PTPRO: variants seen among roughly 807,000 people sequenced by gnomAD.
PTPRO encodes receptor-type tyrosine-protein phosphatase O.
In PTPRO, 62 loss-of-function variants were observed where a neutral mutation model predicts 145.2. The ratio of observed to expected loss-of-function variants is 0.43; its 90% CI spans 0.35 to 0.53. PTPRO has a LOEUF of 0.53. Ranked by LOEUF, PTPRO falls within the 20% of genes least tolerant of loss-of-function variation. The pLI, the probability that PTPRO is intolerant of heterozygous loss-of-function variation, is 0.01. For missense variants in PTPRO, 1,345 were observed against 1,482.7 expected, an observed-to-expected ratio of 0.91 and a Z score of 1.53; for synonymous variants, 565 against 514.7, an observed-to-expected ratio of 1.10 and a Z score of -1.32.
In PTPRO at chr12:15,556,664, A is replaced by G. The variant is rs147435054; in HGVS notation, c.2559-791A>G. On this transcript the variant is annotated intron_variant, in intron 15 of 26. Coordinates refer to ENST00000281171, the MANE Select transcript of PTPRO (RefSeq NM_030667.3). ...ATACGGGCATCACAATATAAGAGAA[A>G]GATTTTGGAGGAAGTAAACAATCCA... Among the ~76,000 whole-genome samples the G allele has an allele frequency of 5.4e-3, 818 of 152,330 alleles. 12 individuals carry two copies. Among genetic ancestry groups the G allele is most frequent in the African/African-American group, 0.019 (779 of 41,578 alleles).
intron 2 of PTPRO, among the ~76,000 whole-genome samples, chr12:15,494,695 T>C (rs994821326): frequency 2.6e-5 from 4 of 152,128 alleles, no homozygotes; most frequent in Admixed American, 6.6e-5. Context: ...GAAAAAAAAT[T>C]GGAAAATAAA....
intron 12 of PTPRO, among the ~76,000 whole-genome samples, chr12:15,533,109 T>C (rs1215019819): frequency 1.3e-5 from 2 of 152,168 alleles, no homozygotes; most frequent in Non-Finnish European, 2.9e-5. Flanking sequence ...GACTGTGAGT[T>C]AAAACCATGA....
chr12:15,481,754 C>T (rs1448490456), intron 1 of PTPRO, among the ~76,000 whole-genome samples: 1 of 151,950 alleles, frequency 6.6e-6, no homozygotes, highest in Non-Finnish European at 1.5e-5. Flanking sequence ...GTACTAGGGC[C>T]TGTAAAAACT....
intron 1 of PTPRO, among the ~76,000 whole-genome samples, chr12:15,402,311 C>T (rs7961040): frequency 0.021 from 3,248 of 151,984 alleles, 123 homozygotes; most frequent in African/African-American, 0.074. Flanking sequence ...TCCCTTGAAC[C>T]TGGGAGGCAG....
intron 1 of PTPRO, among the ~76,000 whole-genome samples, chr12:15,467,330 G>T (rs1941437863): frequency 6.6e-6 from 1 of 151,872 alleles, no homozygotes; most frequent in Admixed American, 6.6e-5. Context: ...ATATCAAACT[G>T]AACTAATGAT....
chr12:15,488,536 G>GA (rs2136447493), intron 2 of PTPRO, among the ~76,000 whole-genome samples: 1 of 152,242 alleles, frequency 6.6e-6, no homozygotes, highest in East Asian at 1.9e-4. Flanking sequence ...AACAAGTTTG[G>GA]AAAACATTTG....
chr12:15,594,976 T>G lies in PTPRO; in HGVS notation c.3586T>G (p.Trp1196Gly). 6.2e-7 allele frequency: 1 copy of G among 1,613,908 alleles called. No homozygotes were observed. Among genetic ancestry groups the G allele is most frequent in the Non-Finnish European group, 8.5e-7 (1 of 1,179,874 alleles). The change falls in exon 26 of 27, where the codon TGG becomes GGG. Residue 1196 changes from tryptophan (W) to glycine (G), a missense_variant. Coordinates refer to ENST00000281171, the MANE Select transcript of PTPRO (RefSeq NM_030667.3). The stretch of plus-strand genomic sequence containing the variant: ...TATCCATCAGTGTGTGCAACTGATG[T>G]GGATGAAGAAGAAGCAGCAGTTCTG... ...IFIHQCVQLM[W>G]MKKKQQFCIS...
chr12:15,502,132 T>C (rs1942234895), intron 5 of PTPRO, 69 bp downstream of exon 5: 1 of 1,468,738 alleles, frequency 6.8e-7, no homozygotes, highest in Non-Finnish European at 9.5e-7. Flanking sequence ...TGTTTTTAAA[T>C]TTGAGTTTAG....
At chr12:15,333,406 T>C (rs1408935223) in intron 1 of PTPRO, among the ~76,000 whole-genome samples, 1 of 152,230 alleles carries the variant, frequency 6.6e-6, no homozygotes, top group Non-Finnish European at 1.5e-5. Context: ...CAGCAAGGAC[T>C]TTGTCCATTG....
chr12:15,461,784 T>C (rs1044035928), intron 1 of PTPRO, among the ~76,000 whole-genome samples: 1 of 151,986 alleles, frequency 6.6e-6, no homozygotes, highest in African/African-American at 2.4e-5. Context: ...GCCATGATGG[T>C]CTCGACCTCC....
At chr12:15,452,695 A>AT (rs1941077266) in intron 1 of PTPRO, among the ~76,000 whole-genome samples, 1 of 152,172 alleles carries the variant, frequency 6.6e-6, no homozygotes, top group African/African-American at 2.4e-5. Context: ...GGTTTAACAT[A>AT]TACAAGTCAA....
intron 23 of PTPRO, among the ~76,000 whole-genome samples, chr12:15,582,550 A>G (rs1284986711): frequency 6.6e-6 from 1 of 152,230 alleles, no homozygotes; most frequent in Non-Finnish European, 1.5e-5. Flanking sequence ...TTAGCTCAAG[A>G]TCATAGAAGA....
intron 1 of PTPRO, among the ~76,000 whole-genome samples, chr12:15,466,467 A>G (rs1941418441): frequency 6.6e-6 from 1 of 152,122 alleles, no homozygotes; most frequent in Admixed American, 6.5e-5. Flanking sequence ...GAAATTTTAA[A>G]TTTGTTTTTT....
chr12:15,446,812 G>C (rs1411509300), intron 1 of PTPRO, among the ~76,000 whole-genome samples: 1 of 151,670 alleles, frequency 6.6e-6, no homozygotes, highest in Admixed American at 6.6e-5. Flanking sequence ...AGTAGGAAAA[G>C]ATACCCTCAA....
intron 2 of PTPRO, among the ~76,000 whole-genome samples, chr12:15,485,480 T>C (rs1941866024): frequency 6.6e-6 from 1 of 152,178 alleles, no homozygotes; most frequent in Non-Finnish European, 1.5e-5. Flanking sequence ...TTACTTATCT[T>C]CATAATTTCA....
intron 1 of PTPRO, among the ~76,000 whole-genome samples, chr12:15,438,066 A>C (rs1463298579): frequency 1.3e-5 from 2 of 152,190 alleles, no homozygotes; most frequent in African/African-American, 4.8e-5. Flanking sequence ...GCCCAATATA[A>C]AACCTGTTGA....
chr12:15,558,620 A>G (rs979448251), intron 16 of PTPRO, among the ~76,000 whole-genome samples: 1 of 152,228 alleles, frequency 6.6e-6, no homozygotes, highest in African/African-American at 2.4e-5. Flanking sequence ...GAAACTATGC[A>G]AAGTATATGT....
At position 15,528,360 on chromosome 12, in the gene PTPRO, C is replaced by CA. The variant is rs577995184; in HGVS notation, c.2164+2114dup. Among the ~76,000 whole-genome samples the CA allele has an allele frequency of 4.9e-3, 605 of 124,600 alleles. 4 individuals are homozygous for CA. Among genetic ancestry groups the CA allele is most frequent in the East Asian group, 0.043 (175 of 4,044 alleles). The allele number at this position is 124,600 out of a possible 152,430, so 81.7% of individuals were successfully genotyped here. On this transcript the variant is annotated intron_variant, in intron 12 of 26. Transcript: ENST00000281171. ...TGAAACCCTGTCTCTAATAAAAATA[C>CA]AAAAAAAAAAAAAAAATTAGCCAGC...
intron 2 of PTPRO, among the ~76,000 whole-genome samples, chr12:15,490,455 C>T (rs1429809357): frequency 6.6e-6 from 1 of 152,094 alleles, no homozygotes; most frequent in East Asian, 1.9e-4. Context: ...TTTATAGACA[C>T]CAAAATTTTA....
Sources: gnomAD v4.1 joint callset for allele counts (sites outside exome capture counted in the v4.1 genomes callset) on GRCh38, gnomAD v4.1.1 for gene constraint, MANE v1.5 for transcripts, NCBI Gene and HGNC (gene_info 2026-07-23, HGNC 2026-07-21) for gene names.